The following SRGAP3 variants were observed in gnomAD, a reference collection of about 807,000 sequenced individuals.
SRGAP3 encodes the protein SLIT-ROBO Rho GTPase-activating protein 3.
SRGAP3 carries 39 observed loss-of-function variants against 121.1 expected under a neutral mutation model. The observed-to-expected ratio is 0.32, with a 90% confidence interval of 0.25 to 0.42. The LOEUF (loss-of-function observed/expected upper bound fraction) is 0.42, where lower values mean the gene tolerates loss of function less well. SRGAP3 is among the 10% of genes least tolerant of loss of function. The probability of loss-of-function intolerance (pLI) is 1.00; values close to 1 mark genes in which losing one functional copy is unlikely to be tolerated. For synonymous variants in SRGAP3, 601 were observed against 570.0 expected (o/e 1.05, Z -0.77); for missense variants, 1,213 against 1,470.6 (o/e 0.82, Z 2.86).
At chr3:9,226,877 C>A (rs187548394) in intron 1 of SRGAP3, among the ~76,000 whole-genome samples, 1 of 152,190 alleles carries the variant, frequency 6.6e-6, no homozygotes, top group African/African-American at 2.4e-5. Context: ...ACAGATGGCA[C>A]CATGAGCACC....
chr3:9,319,871 A>G (rs77413670), intron 3 of SRGAP3, among the ~76,000 whole-genome samples: 12,409 of 151,994 alleles, frequency 0.082, 712 homozygotes, highest in Middle Eastern at 0.16. Flanking sequence ...AAGCCAGGAC[A>G]GGCTCAGGGG....
At chr3:9,189,371 C>T (rs1299579433) in intron 1 of SRGAP3, among the ~76,000 whole-genome samples, 1 of 152,150 alleles carries the variant, frequency 6.6e-6, no homozygotes, top group Non-Finnish European at 1.5e-5. Context: ...ATCGTTTGTC[C>T]CGAGTCCCTT....
At chr3:8,988,167 C>CA (rs926672776) in intron 21 of SRGAP3, among the ~76,000 whole-genome samples, 18 of 152,300 alleles carry the variant, frequency 1.2e-4, no homozygotes, top group African/African-American at 3.8e-4. Flanking sequence ...CCCTGGGAGA[C>CA]AGAGTGGGGA....
chr3:9,015,647 T>C lies in SRGAP3; in HGVS notation c.1763A>G (p.Glu588Gly). ...CCTTTCCTTAGGAAAGAGTGGGTTT[T>C]CCAGTCCTCGGAAATACAGTTTTAA... Reference protein sequence around the residue: ...GVLKLYFRGLENPLFPKERFQ... With the variant: ...GVLKLYFRGLGNPLFPKERFQ... The change falls in exon 15 of 22, where the codon GAA (glutamate) becomes GGA (glycine). Residue 588 changes from glutamate to glycine, a missense_variant. Transcript: ENST00000383836. 6.2e-7 allele frequency: 1 copy of C among 1,613,928 alleles called. No homozygotes were observed. Among genetic ancestry groups the C allele is most frequent in the African/African-American group, 1.3e-5 (1 of 74,968 alleles).
intron 10 of SRGAP3, among the ~76,000 whole-genome samples, chr3:9,046,014 C>G (rs1481981823): frequency 6.6e-6 from 1 of 152,190 alleles, no homozygotes; most frequent in Non-Finnish European, 1.5e-5. Context: ...AACTCCTCCA[C>G]ACCCCCTTTA....
chr3:9,188,138 T>C (rs544270765), intron 1 of SRGAP3, among the ~76,000 whole-genome samples: 1 of 152,314 alleles, frequency 6.6e-6, no homozygotes, highest in Admixed American at 6.5e-5. Flanking sequence ...TACATTATAC[T>C]TCAATAACAC....
rs369607170 is a variant in SRGAP3, at chr3:9,155,079, C to G, written c.68-30162G>C. ...AGATGAAGTTGATCCTTTAGTATTTCTTTCAGCAGGCCTCGGTGTGTATTA... is the reference window on the plus strand; with the variant it reads ...AGATGAAGTTGATCCTTTAGTATTTGTTTCAGCAGGCCTCGGTGTGTATTA... On this transcript the variant is annotated intron_variant, in intron 1 of 21. Transcript: ENST00000383836. Among the ~76,000 whole-genome samples, 17 of 151,278 alleles carry G rather than the reference C, an allele frequency of 1.1e-4. No homozygotes were observed. The East Asian group carries it at 3.3e-3, about 29-fold the overall frequency.
At chr3:9,077,070 G>A (rs1055316569) in intron 4 of SRGAP3, among the ~76,000 whole-genome samples, 5 of 151,804 alleles carry the variant, frequency 3.3e-5, no homozygotes, top group African/African-American at 9.7e-5. Flanking sequence ...CCATCAACTC[G>A]TCATTTACAT....
intron 1 of SRGAP3, among the ~76,000 whole-genome samples, chr3:9,223,691 T>C (rs1193648221): frequency 1.3e-5 from 2 of 152,142 alleles, no homozygotes; most frequent in Non-Finnish European, 2.9e-5. Flanking sequence ...TCCCAGCCAC[T>C]CATCAGGTGT....
intron 1 of SRGAP3, among the ~76,000 whole-genome samples, chr3:9,164,618 C>T (rs1950720015): frequency 6.6e-6 from 1 of 152,176 alleles, no homozygotes; most frequent in Non-Finnish European, 1.5e-5. Context: ...AAAATTTACA[C>T]ACACTCACAG....
In SRGAP3 at chr3:9,171,822, C is replaced by T. The variant is rs115678004; in HGVS notation, c.68-46905G>A. On this transcript the variant is annotated intron_variant, in intron 1 of 21. Coordinates refer to ENST00000383836, the MANE Select transcript of SRGAP3 (RefSeq NM_014850.4). ...TCTCGGACTGAGTGACTTAAGCAGC[C>T]GAAATGTATTGCCTCGGTTCTGGGG... is the stretch of plus-strand genomic sequence containing the variant. 1.2e-3 allele frequency among the ~76,000 whole-genome samples: 183 copies of T among 152,028 alleles called. 1 individual carries two copies. Among genetic ancestry groups the T allele is most frequent in the African/African-American group, 4.2e-3 (172 of 41,438 alleles).
At chr3:9,284,725 C>T (rs529335756) in intron 3 of SRGAP3, among the ~76,000 whole-genome samples, 1 of 150,264 alleles carries the variant, frequency 6.7e-6, no homozygotes, top group Admixed American at 6.7e-5. Context: ...CCCAGCTACT[C>T]GGGAGACTGA....
Position 9,022,585 on chromosome 3 carries a change from T to G in SRGAP3, c.1678+2676A>C, listed in dbSNP as rs144596361. Reference sequence around the variant, plus strand: ...AAGCGGCCCTGAGTGTCAGCCAGGTTAGGAGCCAAACCCAGGGCATATGCT... The same window carrying G: ...AAGCGGCCCTGAGTGTCAGCCAGGTGAGGAGCCAAACCCAGGGCATATGCT... On this transcript the variant is annotated intron_variant, in intron 14 of 21. Transcript: ENST00000383836. Among the ~76,000 whole-genome samples the G allele has an allele frequency of 6.8e-3, 1,031 of 152,194 alleles. 5 individuals are homozygous for G. The highest frequency in any genetic ancestry group is 0.023 in the African/African-American group (975 of 41,514).
chr3:9,131,566 G>A (rs1348684339), intron 1 of SRGAP3, among the ~76,000 whole-genome samples: 6 of 147,810 alleles, frequency 4.1e-5, no homozygotes, highest in African/African-American at 1.5e-4. Flanking sequence ...AGCTTCCCAA[G>A]TAGCTGGGGA....
intron 3 of SRGAP3, chr3:9,292,794 C>T (rs1339573127): frequency 1.3e-5 from 2 of 152,226 alleles, no homozygotes; most frequent in East Asian, 3.9e-4. Flanking sequence ...CATAAGCACC[C>T]CTTCCTTCTC....
At chr3:9,330,830 A>C (rs1399170625) in intron 1 of SRGAP3, among the ~76,000 whole-genome samples, 2 of 152,190 alleles carry the variant, frequency 1.3e-5, no homozygotes, top group African/African-American at 4.8e-5. Flanking sequence ...ATTTGAATGG[A>C]GTTTGAAGAT....
At chr3:9,182,633 T>A (rs1365660000) in intron 1 of SRGAP3, among the ~76,000 whole-genome samples, 2 of 152,314 alleles carry the variant, frequency 1.3e-5, no homozygotes, top group African/African-American at 2.4e-5. Flanking sequence ...ATATTTATTT[T>A]AAAATTTTTT....
At chr3:9,213,214 C>G (rs1386799108) in intron 1 of SRGAP3, among the ~76,000 whole-genome samples, 1 of 152,070 alleles carries the variant, frequency 6.6e-6, no homozygotes, top group African/African-American at 2.4e-5. Context: ...CCCAGTTTGT[C>G]CACAGAAAAG....
chr3:9,150,283 C>T (rs1349351396), intron 1 of SRGAP3, among the ~76,000 whole-genome samples: 3 of 151,844 alleles, frequency 2.0e-5, no homozygotes, highest in Admixed American at 2.0e-4. Flanking sequence ...CAGCAGAAGA[C>T]ACCCTGGGCA....
Sources: gnomAD v4.1 joint callset for allele counts (sites outside exome capture counted in the v4.1 genomes callset) on GRCh38, gnomAD v4.1.1 for gene constraint, MANE v1.5 for transcripts, NCBI Gene and HGNC (gene_info 2026-07-23, HGNC 2026-07-21) for gene names.